NRF1: variants seen among roughly 807,000 people sequenced by gnomAD.
The protein encoded by NRF1 is nuclear respiratory factor 1, also known as alpha palindromic-binding protein.
Under a neutral mutation model 58.5 loss-of-function variants are expected in NRF1, and 5 were observed. The observed-to-expected ratio is 0.09, with a 90% CI of 0.04 to 0.18. The LOEUF is 0.18. Ranked by LOEUF, NRF1 falls within the 10% of genes least tolerant of loss-of-function variation. The pLI, the probability that NRF1 is intolerant of heterozygous loss-of-function variation, is 1.00. For missense variants in NRF1, 288 were observed against 657.7 expected, an observed-to-expected ratio of 0.44 and a Z score of 6.15; for synonymous variants, 224 against 246.7, an observed-to-expected ratio of 0.91 and a Z score of 0.86.
chr7:129,640,274 T>C (rs1222169687), intron 1 of NRF1, among the ~76,000 whole-genome samples: 1 of 152,136 alleles, frequency 6.6e-6, no homozygotes. Context: ...CCAAGTACTT[T>C]AGGAGGCCAA....
intron 3 of NRF1, among the ~76,000 whole-genome samples, chr7:129,673,605 T>C (rs1194150082): frequency 4.7e-5 from 7 of 149,492 alleles, no homozygotes; most frequent in Non-Finnish European, 5.9e-5. Flanking sequence ...TAGTCCCAGC[T>C]ACTCGGGAGG....
intron 1 of NRF1, among the ~76,000 whole-genome samples, chr7:129,629,789 C>T (rs1056597048): frequency 7.9e-5 from 12 of 152,126 alleles, no homozygotes; most frequent in African/African-American, 2.7e-4. Flanking sequence ...TCCTTTTTAT[C>T]GTGAGCACAT....
intron 1 of NRF1, among the ~76,000 whole-genome samples, chr7:129,642,078 C>A (rs7788849): frequency 0.9 from 137,064 of 152,046 alleles, 61,798 homozygotes; most frequent in East Asian, 0.93. Flanking sequence ...TCCCAGGTTC[C>A]AGCAATTCTC....
intron 5 of NRF1, among the ~76,000 whole-genome samples, chr7:129,708,574 TGTTTGTAGTA>T (rs1476898895): frequency 6.6e-6 from 1 of 152,220 alleles, no homozygotes. Context: ...TTCTCATTAT[TGTTTGTAGTA>T]GTTTTTCATT....
At chr7:129,747,196 T>C (rs538656534) in intron 10 of NRF1, among the ~76,000 whole-genome samples, 45 of 152,322 alleles carry the variant, frequency 3.0e-4, no homozygotes, top group Non-Finnish European at 5.7e-4. Context: ...TTTCACATTC[T>C]TAATATTGAG....
intron 1 of NRF1, among the ~76,000 whole-genome samples, chr7:129,621,148 A>G (rs953608687): frequency 6.6e-6 from 1 of 152,120 alleles, no homozygotes; most frequent in African/African-American, 2.4e-5. Flanking sequence ...CCTTCTGCTA[A>G]TCTTTGCATC....
At chr7:129,695,318 T>C (rs1382047580) in intron 5 of NRF1, among the ~76,000 whole-genome samples, 1 of 152,152 alleles carries the variant, frequency 6.6e-6, no homozygotes, top group Admixed American at 6.5e-5. Flanking sequence ...GGCTCACTCC[T>C]GTAATCACAG....
At chr7:129,718,835 T>G (rs149275119) in intron 9 of NRF1, among the ~76,000 whole-genome samples, 1 of 152,206 alleles carries the variant, frequency 6.6e-6, no homozygotes, top group African/African-American at 2.4e-5. Flanking sequence ...GCTCCACCAT[T>G]TGATCCTGAG....
chr7:129,725,001 G>A (rs754433803), intron 9 of NRF1, among the ~76,000 whole-genome samples: 7 of 152,108 alleles, frequency 4.6e-5, no homozygotes, highest in South Asian at 4.1e-4. Flanking sequence ...GCTTGAGCCC[G>A]GGAATTCAAG....
intron 1 of NRF1, among the ~76,000 whole-genome samples, chr7:129,655,845 GCTT>G (rs1009114204): frequency 6.6e-5 from 10 of 152,206 alleles, no homozygotes; most frequent in African/African-American, 2.4e-4. Flanking sequence ...TAATGGGAAA[GCTT>G]CTAGTTTTTC....
At chr7:129,717,558 A>T (rs1397733754) in intron 9 of NRF1, among the ~76,000 whole-genome samples, 182 bp downstream of exon 9, 1 of 152,230 alleles carries the variant, frequency 6.6e-6, no homozygotes, top group Non-Finnish European at 1.5e-5. Context: ...AAGAAAAATT[A>T]AACTTCTTTC....
rs1803849630 is a variant in NRF1, at chr7:129,741,699, T to G, written c.1349-13319T>G. On this transcript the variant is annotated intron_variant, in intron 10 of 10. Coordinates refer to ENST00000393232, the MANE Select transcript of NRF1 (RefSeq NM_005011.5). This position sits in a 1 kb window ranked among gnomAD's most constrained non-coding sequence, Gnocchi z 4.0. Reference sequence around the variant, plus strand: ...AAGGGGACTTTCCTCTTTTTATTTATGCTTCCATTAGGATTTTGAAGGAAT... The same window carrying G: ...AAGGGGACTTTCCTCTTTTTATTTAGGCTTCCATTAGGATTTTGAAGGAAT... Among the ~76,000 whole-genome samples, 1 of 152,212 alleles carries G rather than the reference T, an allele frequency of 6.6e-6. No homozygotes were observed. The highest frequency in any genetic ancestry group is 2.4e-5 in the African/African-American group (1 of 41,450).
intron 4 of NRF1, 71 bp downstream of exon 4, chr7:129,677,829 TG>T: frequency 6.3e-7 from 1 of 1,580,548 alleles, no homozygotes; most frequent in Non-Finnish European, 8.6e-7. Flanking sequence ...TCTGATCCTC[TG>T]TCAAGTATAA....
intron 9 of NRF1, among the ~76,000 whole-genome samples, chr7:129,725,765 A>C (rs1803439223): frequency 6.6e-6 from 1 of 152,230 alleles, no homozygotes; most frequent in African/African-American, 2.4e-5. Flanking sequence ...GAAAAAGATA[A>C]CTGTTTAAAA....
intron 5 of NRF1, among the ~76,000 whole-genome samples, chr7:129,692,583 T>A (rs1802595956): frequency 6.6e-6 from 1 of 152,164 alleles, no homozygotes; most frequent in Non-Finnish European, 1.5e-5. Flanking sequence ...AATGAATGAA[T>A]GAATAAATTT....
chr7:129,619,449 T>C (rs555528823), intron 1 of NRF1, among the ~76,000 whole-genome samples: 3,131 of 80,812 alleles, frequency 0.039, 116 homozygotes, highest in African/African-American at 0.058. Flanking sequence ...CACACACACA[T>C]ATATATACAC....
intron 9 of NRF1, among the ~76,000 whole-genome samples, chr7:129,722,947 A>G (rs1429974644): frequency 1.3e-5 from 2 of 152,212 alleles, no homozygotes; most frequent in Admixed American, 1.3e-4. Flanking sequence ...TCCTAATTCC[A>G]TATAAACAAT....
chr7:129,710,520 G>A lies in NRF1; in HGVS notation c.912G>A (p.Gln304=). 6.2e-7 allele frequency: 1 copy of A among 1,606,642 alleles called. No homozygotes were observed. The highest frequency in any genetic ancestry group is 8.5e-7 in the Non-Finnish European group (1 of 1,173,226). The part of the protein sequence containing the change: ...THSIAHLVPS[Q]TVVQTFSNPD... ...GTATAGCTCATCTTGTACCATCACA[G>A]ACTGTAGTCCAGACTTTTAGTAACC... is the stretch of plus-strand genomic sequence containing the variant. The change falls in exon 7 of 11, where the codon CAG becomes CAA. Residue 304 remains glutamine (Q), a synonymous_variant. Coordinates refer to ENST00000393232, the MANE Select transcript of NRF1 (RefSeq NM_005011.5).
chr7:129,687,718 A>G (rs892714474), intron 4 of NRF1, among the ~76,000 whole-genome samples: 1 of 152,246 alleles, frequency 6.6e-6, no homozygotes. Flanking sequence ...GCTGCAGGCA[A>G]TGACAGCTAT....
Sources: allele counts gnomAD v4.1 joint callset (sites outside exome capture counted in the v4.1 genomes callset), GRCh38; gene constraint gnomAD v4.1.1; non-coding constraint Gnocchi (gnomAD v3.1); transcripts MANE v1.5; gene names NCBI Gene and HGNC (gene_info 2026-07-23, HGNC 2026-07-21).